CRACDL: variants seen among roughly 807,000 people sequenced by gnomAD.
CRACDL encodes CRACD-like protein.
Under a neutral mutation model 70.6 loss-of-function variants are expected in CRACDL, and 26 were observed. The ratio of observed to expected loss-of-function variants is 0.37; its 90% CI spans 0.27 to 0.51. CRACDL has a LOEUF of 0.51. Among genes scored for constraint, CRACDL ranks in the 20% least tolerant of loss-of-function variants. The pLI, the probability that CRACDL is intolerant of heterozygous loss-of-function variation, is 0.94. For synonymous variants in CRACDL, 618 were observed against 615.2 expected (o/e 1.00, Z -0.07); for missense variants, 1,283 against 1,376.9 (o/e 0.93, Z 1.08).
At chr2:98,818,953 T>A (rs962276461) in intron 7 of CRACDL, among the ~76,000 whole-genome samples, 8 of 152,242 alleles carry the variant, frequency 5.3e-5, no homozygotes, top group African/African-American at 1.9e-4. Flanking sequence ...TCTCTCTGTG[T>A]TAAAATGAAT....
chr2:98,821,846 C>T lies in CRACDL; in HGVS notation c.2416+11G>A. 1 of 1,606,706 alleles carries T rather than the reference C, an allele frequency of 6.2e-7. No individual in the cohort carries two copies. Among genetic ancestry groups the T allele is most frequent in the Non-Finnish European group, 8.5e-7 (1 of 1,178,602 alleles). ...GGCCCTGCCCTTCCCGCACCCTCGG[C>T]GGGCTCTTACCAGCTCCCCTGCGCA... On this transcript the variant is annotated intron_variant, in intron 7 of 9. Coordinates refer to ENST00000397899, the MANE Select transcript of CRACDL (RefSeq NM_207362.3).
chr2:98,858,157 A>G (rs1033324567), intron 1 of CRACDL, among the ~76,000 whole-genome samples: 4 of 152,220 alleles, frequency 2.6e-5, no homozygotes, highest in African/African-American at 9.6e-5. Context: ...AACATATGTG[A>G]TGCAGATAAA....
intron 7 of CRACDL, among the ~76,000 whole-genome samples, chr2:98,810,829 T>C (rs996500540): frequency 2.6e-5 from 4 of 152,100 alleles, no homozygotes; most frequent in Non-Finnish European, 4.4e-5. Flanking sequence ...TGGACAAGAA[T>C]GATTACTGCA....
chr2:98,870,381 G>A lies in CRACDL; in HGVS notation c.-10-23571C>T, dbSNP rs140507456. On this transcript the variant is annotated intron_variant, in intron 1 of 9. Coordinates refer to ENST00000397899, the MANE Select transcript of CRACDL (RefSeq NM_207362.3). ...CTACAATTTAATTTTAAAGCACAAC[G>A]AATACATTTGATGATGACAGAAGAA... Among the ~76,000 whole-genome samples the A allele has an allele frequency of 2.8e-3, 428 of 152,328 alleles. 3 individuals carry two copies. The highest frequency in any genetic ancestry group is 1.0e-2 in the African/African-American group (414 of 41,576).
At chr2:98,926,838 G>A (rs746213676) in intron 1 of CRACDL, among the ~76,000 whole-genome samples, 9 of 152,198 alleles carry the variant, frequency 5.9e-5, no homozygotes, top group Non-Finnish European at 1.3e-4. Flanking sequence ...AGGGTTGCTC[G>A]GTATTGACTC....
chr2:98,909,501 G>A (rs999491462), intron 1 of CRACDL, among the ~76,000 whole-genome samples: 3 of 152,196 alleles, frequency 2.0e-5, no homozygotes, highest in African/African-American at 7.2e-5. Context: ...CTGGACCCAA[G>A]CAACCGTCGT....
intron 1 of CRACDL, among the ~76,000 whole-genome samples, chr2:98,859,093 C>G (rs957332073): frequency 6.6e-6 from 1 of 152,162 alleles, no homozygotes; most frequent in Admixed American, 6.5e-5. Flanking sequence ...TCACAAACGC[C>G]TCTCAAAAAT....
intron 2 of CRACDL, 79 bp downstream of exon 2, chr2:98,846,652 G>T: frequency 8.3e-7 from 1 of 1,208,348 alleles, no homozygotes; most frequent in Non-Finnish European, 1.2e-6. Flanking sequence ...AAGCCCCAAA[G>T]GCCTGCCTCT....
chr2:98,932,744 C>G (rs115011609), intron 1 of CRACDL, among the ~76,000 whole-genome samples: 5,264 of 152,276 alleles, frequency 0.035, 96 homozygotes, highest in African/African-American at 0.055. Context: ...TTACCCAAGA[C>G]AGTGGTGAAT....
chr2:98,832,383 G>C lies in CRACDL; in HGVS notation c.505C>G (p.Leu169Val). The change falls in exon 5 of 10, where the codon CTG becomes GTG. Residue 169 changes from leucine (L) to valine (V), a missense_variant. Around this residue, in one of 2 missense-constraint regions of CRACDL, gnomAD observed 362 missense variants for 495.0 expected, o/e 0.73. Coordinates refer to ENST00000397899, the MANE Select transcript of CRACDL (RefSeq NM_207362.3). ...GTACCAGGACCCACGTCGTGCAGCA[G>C]AGACATCTCTGGGGGGCTCCTGGGC... ...GLPRSPPEMS[L>V]LHDVGPGTTI... 6.2e-7 allele frequency: 1 copy of C among 1,614,226 alleles called. No individual in the cohort carries two copies. The highest frequency in any genetic ancestry group is 2.2e-5 in the East Asian group (1 of 44,868).
At chr2:98,856,262 G>T (rs1480778130) in intron 1 of CRACDL, among the ~76,000 whole-genome samples, 2 of 152,148 alleles carry the variant, frequency 1.3e-5, no homozygotes, top group Non-Finnish European at 2.9e-5. Context: ...AAAATTTACA[G>T]CTAATTTCTT....
At chr2:98,875,595 C>A (rs1441103677) in intron 1 of CRACDL, among the ~76,000 whole-genome samples, 1 of 152,240 alleles carries the variant, frequency 6.6e-6, no homozygotes, top group East Asian at 1.9e-4. Context: ...GACATTCTAT[C>A]AGCTGGTGGT....
At chr2:98,853,177 T>C (rs376336899) in intron 1 of CRACDL, among the ~76,000 whole-genome samples, 1 of 152,168 alleles carries the variant, frequency 6.6e-6, no homozygotes, top group Non-Finnish European at 1.5e-5. Flanking sequence ...AGGCACATCA[T>C]AGACCTCACA....
chr2:98,811,516 C>CAAAAAAAA (rs1199306759), intron 7 of CRACDL, among the ~76,000 whole-genome samples: 7 of 49,642 alleles, frequency 1.4e-4, no homozygotes, highest in Non-Finnish European at 1.9e-4. Flanking sequence ...GACTCTGTCT[C>CAAAAAAAA]AAAAAAAAAA....
intron 3 of CRACDL, among the ~76,000 whole-genome samples, chr2:98,834,444 A>G (rs1705682884): frequency 6.6e-6 from 1 of 152,248 alleles, no homozygotes; most frequent in African/African-American, 2.4e-5. Context: ...GATACTACTA[A>G]GTGCAATAAA....
intron 1 of CRACDL, among the ~76,000 whole-genome samples, chr2:98,920,771 T>G (rs917185239): frequency 6.6e-6 from 1 of 152,190 alleles, no homozygotes; most frequent in Admixed American, 6.5e-5. Flanking sequence ...TTTAATCTAC[T>G]TTGTGATAAG....
chr2:98,866,144 T>A (rs756324916), intron 1 of CRACDL, among the ~76,000 whole-genome samples: 1 of 152,170 alleles, frequency 6.6e-6, no homozygotes, highest in Non-Finnish European at 1.5e-5. Flanking sequence ...AACTAGAGAA[T>A]ATTCAGATGC....
At chr2:98,902,169 C>T (rs1470404068) in intron 1 of CRACDL, among the ~76,000 whole-genome samples, 5 of 152,196 alleles carry the variant, frequency 3.3e-5, no homozygotes, top group African/African-American at 1.2e-4. Context: ...TAGGTCAGGG[C>T]AGCCCATACG....
Position 98,823,640 on chromosome 2 carries a change from C to A in CRACDL, c.736-103G>T. On this transcript the variant is annotated intron_variant, in intron 6 of 9. Transcript: ENST00000397899. This position sits in a 1 kb window ranked among gnomAD's most constrained non-coding sequence, Gnocchi z 4.0. The stretch of plus-strand genomic sequence containing the variant: ...GCTTATAATGGTTTAGTGATAGCAG[C>A]ACTATAAAGCTGGCACTTAAGTAGG... 7.1e-7 allele frequency: 1 copy of A among 1,406,806 alleles called. No individual in the cohort carries two copies. Among genetic ancestry groups the A allele is most frequent in the Non-Finnish European group, 9.7e-7 (1 of 1,033,592 alleles). The allele number at this position is 1,406,806 out of a possible 1,614,324, so 87.1% of individuals were successfully genotyped here. A position where few individuals can be genotyped will look rare whatever the true frequency, so the allele number is the denominator to read the frequency against.
Sources: gnomAD v4.1 joint callset for allele counts (sites outside exome capture counted in the v4.1 genomes callset) on GRCh38, gnomAD v4.1.1 for gene constraint, gnomAD v4.1.1 regional missense constraint, Gnocchi (gnomAD v3.1) non-coding constraint, MANE v1.5 for transcripts, NCBI Gene and HGNC (gene_info 2026-07-23, HGNC 2026-07-21) for gene names.